The following RACGAP1 variants were observed in gnomAD, a reference collection of about 807,000 sequenced individuals.
RACGAP1 encodes rac GTPase-activating protein 1.
A neutral mutation model predicts 78.1 loss-of-function variants in RACGAP1; 30 were observed. That is an observed-to-expected ratio of 0.38 (90% CI 0.29 to 0.52). RACGAP1 has a LOEUF of 0.52. Ranked by LOEUF, RACGAP1 falls within the 20% of genes least tolerant of loss-of-function variation. The probability of loss-of-function intolerance (pLI) is 0.82; values close to 1 mark genes in which losing one functional copy is unlikely to be tolerated. For synonymous variants in RACGAP1, 231 were observed against 264.8 expected (o/e 0.87, Z 1.24); for missense variants, 587 against 777.1 (o/e 0.76, Z 2.91).
Position 49,990,027 on chromosome 12 carries a change from A to G in RACGAP1, c.*241T>C, listed in dbSNP as rs1339497522. ...TCCATACTAACCCTTCTACCCCTGG[A>G]AAGATGTCTCATCTAAAAGCTCCCA... is the stretch of plus-strand genomic sequence containing the variant. On this transcript the variant is annotated 3_prime_UTR_variant, in exon 17 of 17. Transcript: ENST00000312377. 1.2e-5 allele frequency: 5 copies of G among 420,648 alleles called. No homozygotes were observed. Among genetic ancestry groups the G allele is most frequent in the Non-Finnish European group, 2.1e-5 (5 of 234,778 alleles). The allele number at this position is 420,648 out of a possible 1,614,324, so 26.1% of individuals were successfully genotyped here.
intron 2 of RACGAP1, among the ~76,000 whole-genome samples, chr12:50,012,115 G>A (rs182699910): frequency 5.3e-5 from 8 of 151,178 alleles, no homozygotes; most frequent in African/African-American, 9.7e-5. Context: ...GCAACAGAGC[G>A]AGACCTTGTC....
intron 2 of RACGAP1, among the ~76,000 whole-genome samples, chr12:50,009,204 C>G (rs1949157617): frequency 7.0e-6 from 1 of 142,382 alleles, no homozygotes; most frequent in Non-Finnish European, 1.5e-5. Context: ...GATCGTGCCA[C>G]TGCACTCCAG....
chr12:50,023,296 C>T (rs1395117457), intron 1 of RACGAP1, among the ~76,000 whole-genome samples: 1 of 152,156 alleles, frequency 6.6e-6, no homozygotes, highest in Non-Finnish European at 1.5e-5. Flanking sequence ...TGTACTAATG[C>T]ACAGTACTTT....
chr12:50,018,560 C>A (rs1274966499), intron 1 of RACGAP1: 6 of 1,288,596 alleles, frequency 4.7e-6, no homozygotes, highest in Non-Finnish European at 6.1e-6. Context: ...ATTGGGTAGT[C>A]AATTCAAATG....
intron 1 of RACGAP1, among the ~76,000 whole-genome samples, chr12:50,020,694 T>A (rs982019909): frequency 6.6e-6 from 1 of 152,244 alleles, no homozygotes; most frequent in South Asian, 2.1e-4. Context: ...CTGCAAACCA[T>A]AACATGTCAT....
intron 2 of RACGAP1, among the ~76,000 whole-genome samples, chr12:50,015,498 T>C (rs1592210977): frequency 6.6e-6 from 1 of 152,014 alleles, no homozygotes; most frequent in Non-Finnish European, 1.5e-5. Flanking sequence ...AGGGAGACCT[T>C]ATCTCTACAA....
rs1446543508 is a variant in RACGAP1 at position 49,990,408 on chromosome 12, A to T, written c.1824-65T>A. The T allele has an allele frequency of 3.0e-6, 4 of 1,337,490 alleles. No individual in the cohort carries two copies. The Admixed American group carries it at 7.0e-5, about 23-fold the overall frequency. The allele number at this position is 1,337,490 out of a possible 1,614,324, so 82.9% of individuals were successfully genotyped here. ...AAAAATGGTTGAATAAACAACTATA[A>T]TATTACTTGATATAACCCATTATAA... On this transcript the variant is annotated intron_variant, in intron 16 of 16. Coordinates refer to ENST00000312377, the MANE Select transcript of RACGAP1 (RefSeq NM_001319999.2).
Position 49,992,085 on chromosome 12 carries a change from T to C in RACGAP1, c.1627A>G (p.Met543Val), listed in dbSNP as rs776206154. The C allele has an allele frequency of 3.1e-6, 5 of 1,614,142 alleles. No individual in the cohort carries two copies. The South Asian group carries it at 5.5e-5, about 18-fold the overall frequency. The change falls in exon 15 of 17, where the codon ATG (methionine) becomes GTG (valine). Residue 543 changes from methionine to valine, a missense_variant. Physicochemically the swap from Met to Val is conservative, Grantham distance 21. Transcript: ENST00000312377. ...TCAATGTTCTCTTGCTCCACCATCA[T>C]GAACTGACTCCAATACTCCAGAGGC... ...SLPLEYWSQF[M>V]MVEQENIDPL...
chr12:50,024,903 C>T (rs1592244469), intron 1 of RACGAP1, among the ~76,000 whole-genome samples: 1 of 151,984 alleles, frequency 6.6e-6, no homozygotes, highest in East Asian at 1.9e-4. Context: ...CAAGTAAGGC[C>T]TCGTTGTTAC....
rs1039800039 is a variant in RACGAP1, at chr12:50,016,826, T to C, written c.-4-107A>G. ...ACCAACATCTGGACTCTTCCATTTA[T>C]AACTACCATTATAAGAATCTCAAGC... On this transcript the variant is annotated intron_variant, in intron 1 of 16. Coordinates refer to ENST00000312377, the MANE Select transcript of RACGAP1 (RefSeq NM_001319999.2). 5 of 1,401,648 alleles carry C rather than the reference T, an allele frequency of 3.6e-6. No individual in the cohort carries two copies. In the African/African-American group the frequency reaches 5.8e-5, roughly 16 times the overall value. The allele number at this position is 1,401,648 out of a possible 1,614,324, so 86.8% of individuals were successfully genotyped here.
At chr12:50,007,782 T>C (rs1337277415) in intron 2 of RACGAP1, among the ~76,000 whole-genome samples, 1 of 152,068 alleles carries the variant, frequency 6.6e-6, no homozygotes, top group Non-Finnish European at 1.5e-5. Context: ...TTCAGCAAAA[T>C]AGGTTATTAT....
chr12:50,026,650 C>G (rs1950272657), upstream of RACGAP1, among the ~76,000 whole-genome samples: 1 of 152,014 alleles, frequency 6.6e-6, no homozygotes, highest in Non-Finnish European at 1.5e-5. Context: ...TGTATTTTAT[C>G]CAAAAATCAC....
In RACGAP1 at chr12:49,989,235, AC is replaced by A. The variant is rs1366506024; in HGVS notation, c.*1032del. 2.0e-5 allele frequency: 3 copies of A among 152,266 alleles called. No homozygotes were observed. In the East Asian group the frequency reaches 5.8e-4, roughly 29 times the overall value. The allele number at this position is 152,266 out of a possible 1,614,324, so 9.4% of individuals were successfully genotyped here. On this transcript the variant is annotated 3_prime_UTR_variant, in exon 17 of 17. Transcript: ENST00000312377. ...AGGTGTTTTACAGATAAGGGTCAATACGAAGTCAAACATTCTACAGAAGAAA... is the reference window on the plus strand; with the variant it reads ...AGGTGTTTTACAGATAAGGGTCAATAGAAGTCAAACATTCTACAGAAGAAA...
chr12:49,997,309 C>A (rs890569240), intron 9 of RACGAP1, 105 bp from the exon 10 acceptor site: 69 of 1,356,460 alleles, frequency 5.1e-5, no homozygotes, highest in Non-Finnish European at 6.5e-5. Context: ...GAATCTCACT[C>A]TCTCGCCTGG....
chr12:50,002,498 A>C (rs1261525546), intron 5 of RACGAP1, 198 bp from the exon 6 acceptor site: 1 of 384,348 alleles, frequency 2.6e-6, no homozygotes, highest in Non-Finnish European at 4.7e-6. Flanking sequence ...TCTTTGAAAA[A>C]TTGAAGCTAT....
upstream of RACGAP1, among the ~76,000 whole-genome samples, chr12:50,029,897 A>T (rs563123928): frequency 3.1e-4 from 47 of 152,296 alleles, no homozygotes; most frequent in South Asian, 6.8e-3. Flanking sequence ...CGTCTCAAAA[A>T]AAATAAATAA....
intron 2 of RACGAP1, among the ~76,000 whole-genome samples, chr12:50,010,448 C>T (rs1949249023): frequency 6.6e-6 from 1 of 151,822 alleles, no homozygotes; most frequent in African/African-American, 2.4e-5. Context: ...CTCAGCCTCC[C>T]AAGTAACTGG....
intron 10 of RACGAP1, among the ~76,000 whole-genome samples, 186 bp from the exon 11 acceptor site, chr12:49,994,695 G>T (rs902193586): frequency 2.0e-5 from 3 of 151,970 alleles, no homozygotes; most frequent in African/African-American, 7.3e-5. Context: ...TCCACACCAG[G>T]ACTGATTTAT....
At chr12:50,002,400 A>G in intron 5 of RACGAP1, 100 bp from the exon 6 acceptor site, 2 of 966,196 alleles carry the variant, frequency 2.1e-6, no homozygotes, top group South Asian at 1.6e-5. Flanking sequence ...TTCTTCAGTC[A>G]GGCTACCTAA....
Sources: gnomAD v4.1 joint callset for allele counts (sites outside exome capture counted in the v4.1 genomes callset) on GRCh38, gnomAD v4.1.1 for gene constraint, MANE v1.5 for transcripts, NCBI Gene and HGNC (gene_info 2026-07-23, HGNC 2026-07-21) for gene names.